GFRA2: variants seen among roughly 807,000 people sequenced by gnomAD.
GFRA2 encodes GDNF family receptor alpha-2.
GFRA2 carries 17 observed loss-of-function variants against 48.3 expected under a neutral mutation model. That is an observed-to-expected ratio of 0.35 (90% confidence interval 0.24 to 0.53). The LOEUF (loss-of-function observed/expected upper bound fraction) is 0.53, where lower values mean the gene tolerates loss of function less well. Ranked by LOEUF, GFRA2 falls within the 20% of genes least tolerant of loss-of-function variation. The pLI is 0.93. For synonymous variants in GFRA2, 305 were observed against 257.2 expected (o/e 1.19, Z -1.78); for missense variants, 660 against 637.3 (o/e 1.04, Z -0.38).
intron 3 of GFRA2, among the ~76,000 whole-genome samples, chr8:21,765,546 C>G (rs752150282): frequency 1.3e-5 from 2 of 152,048 alleles, no homozygotes; most frequent in South Asian, 2.1e-4. Flanking sequence ...CCCAGCCTCA[C>G]TCTCCTGACT....
intron 1 of GFRA2, among the ~76,000 whole-genome samples, chr8:21,806,415 G>A (rs570971058): frequency 3.9e-4 from 60 of 152,268 alleles, no homozygotes; most frequent in Admixed American, 3.3e-4. Flanking sequence ...AGTGTTCTCG[G>A]CACATTTAAG....
intron 6 of GFRA2, among the ~76,000 whole-genome samples, chr8:21,703,998 G>A (rs1802614363): frequency 6.6e-6 from 1 of 152,236 alleles, no homozygotes; most frequent in Non-Finnish European, 1.5e-5. Context: ...CACCCCTGCA[G>A]GACAAGAAGA....
In GFRA2 at chr8:21,750,499, T is replaced by C. The variant is rs1428272471; in HGVS notation, c.794+89A>G. 1 of 703,394 alleles carries C rather than the reference T, an allele frequency of 1.4e-6. No homozygotes were observed. The highest frequency in any genetic ancestry group is 1.8e-5 in the African/African-American group (1 of 55,974). 43.6% of individuals were successfully genotyped at this position (703,394 alleles called of 1,614,324 possible). On this transcript the variant is annotated intron_variant, in intron 4 of 8. Coordinates refer to ENST00000524240, the MANE Select transcript of GFRA2 (RefSeq NM_001495.5). The surrounding 1 kb of genome is among the most constrained non-coding windows in gnomAD (Gnocchi z 5.7). ...TGCTGGACTCAGGGTCATAATTCGA[T>C]GCACCCAAGGAATGCAGAGAAAGGA...
chr8:21,712,102 C>A (rs1265948373), intron 4 of GFRA2, among the ~76,000 whole-genome samples: 1 of 152,224 alleles, frequency 6.6e-6, no homozygotes, highest in African/African-American at 2.4e-5. Context: ...GACACAGCAA[C>A]CATCCAATTT....
At chr8:21,705,618 C>G (rs753710448) in intron 5 of GFRA2, among the ~76,000 whole-genome samples, 32 of 152,232 alleles carry the variant, frequency 2.1e-4, no homozygotes, top group Admixed American at 5.2e-4. Context: ...TTCAGTAAGA[C>G]AGTCCGTGTA....
chr8:21,720,550 C>T (rs75590724), intron 4 of GFRA2, among the ~76,000 whole-genome samples: 6,624 of 152,272 alleles, frequency 0.044, 476 homozygotes, highest in African/African-American at 0.15. Context: ...CCCTGATCCC[C>T]ATCCATGATC....
intron 4 of GFRA2, among the ~76,000 whole-genome samples, chr8:21,724,676 G>A (rs1463632407): frequency 6.6e-6 from 1 of 152,108 alleles, no homozygotes; most frequent in Non-Finnish European, 1.5e-5. Context: ...GGTACTCAGG[G>A]CCCTGAGACA....
intron 4 of GFRA2, among the ~76,000 whole-genome samples, chr8:21,714,168 C>A (rs1803211198): frequency 6.7e-6 from 1 of 149,056 alleles, no homozygotes; most frequent in African/African-American, 2.5e-5. Flanking sequence ...CATACTTTCC[C>A]AAATTTGTCT....
chr8:21,773,672 T>G (rs7463349), intron 3 of GFRA2, among the ~76,000 whole-genome samples: 2,959 of 152,296 alleles, frequency 0.019, 104 homozygotes, highest in African/African-American at 0.067. Context: ...AATTATTTTT[T>G]CTCCTTGGAA....
chr8:21,797,146 A>G (rs111742555), intron 2 of GFRA2, among the ~76,000 whole-genome samples: 203 of 152,256 alleles, frequency 1.3e-3, no homozygotes, highest in African/African-American at 4.8e-3. Context: ...AAAATAAAAT[A>G]CTTTTTAATT....
chr8:21,713,639 A>C (rs552404063), intron 4 of GFRA2, among the ~76,000 whole-genome samples: 16 of 152,050 alleles, frequency 1.1e-4, no homozygotes, highest in Non-Finnish European at 2.4e-4. Context: ...CTGGTTCTCA[A>C]AGTGTGGTCC....
At chr8:21,759,061 A>C (rs1805738301) in intron 3 of GFRA2, among the ~76,000 whole-genome samples, 1 of 152,084 alleles carries the variant, frequency 6.6e-6, no homozygotes, top group Non-Finnish European at 1.5e-5. Flanking sequence ...TACAGCTTTC[A>C]CTCTAGTAAG....
intron 3 of GFRA2, among the ~76,000 whole-genome samples, chr8:21,758,321 T>C (rs888807842): frequency 4.6e-5 from 7 of 151,976 alleles, no homozygotes; most frequent in Non-Finnish European, 1.5e-5. Context: ...AACTGTTTCA[T>C]CCCCCTCTGC....
chr8:21,786,128 A>AC (rs1178650134), intron 1 of GFRA2, among the ~76,000 whole-genome samples: 1 of 151,270 alleles, frequency 6.6e-6, no homozygotes, highest in Non-Finnish European at 1.5e-5. Flanking sequence ...TTCTGCTCTC[A>AC]CCCCCGCCTC....
At chr8:21,715,616 G>T (rs1450007572) in intron 4 of GFRA2, among the ~76,000 whole-genome samples, 1 of 152,154 alleles carries the variant, frequency 6.6e-6, no homozygotes, top group African/African-American at 2.4e-5. Context: ...CTGGGCCCAG[G>T]GGGAAACATG....
intron 2 of GFRA2, among the ~76,000 whole-genome samples, chr8:21,804,549 G>A (rs575617820): frequency 2.0e-4 from 31 of 152,004 alleles, no homozygotes; most frequent in Non-Finnish European, 2.9e-5. Context: ...CTTACTCTGA[G>A]GAGTCTTCCT....
chr8:21,770,294 C>T (rs1356849656), intron 3 of GFRA2, among the ~76,000 whole-genome samples: 3 of 152,368 alleles, frequency 2.0e-5, no homozygotes, highest in South Asian at 2.1e-4. Context: ...TCAGTCCATA[C>T]GAATGTTTTA....
intron 2 of GFRA2, among the ~76,000 whole-genome samples, chr8:21,780,336 CCCTA>C (rs1806919383): frequency 6.6e-6 from 1 of 152,110 alleles, no homozygotes. Flanking sequence ...CCTCAGCTTA[CCCTA>C]AGGCATCTGA....
In GFRA2 at chr8:21,811,044, C is replaced by T. The variant is rs368153895; in HGVS notation, c.-148+1187G>A. 8.5e-5 allele frequency among the ~76,000 whole-genome samples: 13 copies of T among 152,344 alleles called. No homozygotes were observed. In the South Asian group the frequency reaches 2.7e-3, roughly 32 times the overall value. On this transcript the variant is annotated intron_variant, in intron 1 of 10. Coordinates refer to the GFRA2 transcript ENST00000517328. ...CCAGAAAACCGATTTTTAAATCACACTGATCTCAAAAGCAGGCCTGTGGCT... is the reference window on the plus strand; with the variant it reads ...CCAGAAAACCGATTTTTAAATCACATTGATCTCAAAAGCAGGCCTGTGGCT...
Sources: allele counts gnomAD v4.1 joint callset (sites outside exome capture counted in the v4.1 genomes callset), GRCh38; gene constraint gnomAD v4.1.1; non-coding constraint Gnocchi (gnomAD v3.1); transcripts MANE v1.5; gene names NCBI Gene and HGNC (gene_info 2026-07-23, HGNC 2026-07-21).